The following WDR41 variants were observed in gnomAD, a reference collection of about 807,000 sequenced individuals.
WDR41 encodes WD repeat domain 41, also known as WD repeat-containing protein 41.
A neutral mutation model predicts 69.3 loss-of-function variants in WDR41; 63 were observed. The observed-to-expected ratio is 0.91, with a 90% CI of 0.74 to 1.12. The LOEUF is 1.12. Among genes scored for constraint, WDR41 ranks in the 50% most tolerant of loss-of-function variants. The pLI, the probability that WDR41 is intolerant of heterozygous loss-of-function variation, is 0.00. For synonymous variants in WDR41, 185 were observed against 192.1 expected, an observed-to-expected ratio of 0.96 and a Z score of 0.31; for missense variants, 543 against 534.5, an observed-to-expected ratio of 1.02 and a Z score of -0.16.
intron 1 of WDR41, among the ~76,000 whole-genome samples, chr5:77,549,216 C>T (rs1246377858): frequency 1.3e-5 from 2 of 152,196 alleles, no homozygotes; most frequent in Non-Finnish European, 2.9e-5. Context: ...ACCAAAATCT[C>T]ACAAATCACC....
At position 77,431,120 on chromosome 5, in the gene WDR41, C is replaced by G. The variant is rs1438365448; in HGVS notation, c.*2015G>C. The G allele has an allele frequency of 1.3e-5, 2 of 150,472 alleles. No individual in the cohort carries two copies. The highest frequency in any genetic ancestry group is 3.0e-5 in the Non-Finnish European group (2 of 66,862). 9.3% of individuals were successfully genotyped at this position (150,472 alleles called of 1,614,324 possible). ...AAAGGAGCATCAGGATTTGAGATGA[C>G]AGACTCTAAATTTTGAAAGAAGTTC... On this transcript the variant is annotated 3_prime_UTR_variant, in exon 13 of 13. Coordinates refer to ENST00000296679, the MANE Select transcript of WDR41 (RefSeq NM_018268.4).
chr5:77,605,373 G>A (rs946034357), intron 1 of WDR41, among the ~76,000 whole-genome samples: 2 of 152,112 alleles, frequency 1.3e-5, no homozygotes, highest in Non-Finnish European at 2.9e-5. Context: ...CCAAAGCAGG[G>A]GTTACATACA....
chr5:77,535,971 C>T (rs1032213103), intron 1 of WDR41, among the ~76,000 whole-genome samples: 1 of 152,042 alleles, frequency 6.6e-6, no homozygotes, highest in Non-Finnish European at 1.5e-5. Context: ...AAAATTTTTG[C>T]CCAAGGATTT....
chr5:77,559,979 G>A (rs1212832491), intron 1 of WDR41, among the ~76,000 whole-genome samples: 1 of 151,946 alleles, frequency 6.6e-6, no homozygotes, highest in African/African-American at 2.4e-5. Context: ...TGAGACACAA[G>A]GTAGGAAAGG....
intron 2 of WDR41, among the ~76,000 whole-genome samples, chr5:77,469,750 C>T (rs983363217): frequency 6.6e-6 from 1 of 151,628 alleles, no homozygotes; most frequent in African/African-American, 2.4e-5. Flanking sequence ...TAAAAAGAAA[C>T]AAAGCCTCCA....
At chr5:77,515,861 G>A (rs1802284128) in intron 1 of WDR41, among the ~76,000 whole-genome samples, 1 of 152,088 alleles carries the variant, frequency 6.6e-6, no homozygotes, top group Non-Finnish European at 1.5e-5. Context: ...CATTTTCAAT[G>A]GCCATTTGAT....
chr5:77,596,928 G>T (rs1580041481), intron 1 of WDR41, among the ~76,000 whole-genome samples: 2 of 151,956 alleles, frequency 1.3e-5, no homozygotes, highest in South Asian at 4.2e-4. Context: ...GACCAGCCTG[G>T]GCAACATGGC....
chr5:77,451,616 A>C (rs985549186), intron 6 of WDR41: 9 of 352,588 alleles, frequency 2.6e-5, no homozygotes, highest in Non-Finnish European at 4.7e-5. Context: ...CTATTGTGAT[A>C]AAGTGGTAGA....
upstream of WDR41, among the ~76,000 whole-genome samples, chr5:77,495,287 G>C (rs1294869526): frequency 6.6e-6 from 1 of 151,624 alleles, no homozygotes; most frequent in Admixed American, 6.6e-5. Context: ...TTAGAGCAGA[G>C]ATAAACAAAA....
At chr5:77,491,613 A>G (rs1389195255) in intron 1 of WDR41, among the ~76,000 whole-genome samples, 1 of 152,214 alleles carries the variant, frequency 6.6e-6, no homozygotes, top group African/African-American at 2.4e-5. Context: ...ACAGCAGTTA[A>G]TTAGAAAATC....
chr5:77,588,620 G>A (rs1744081704), intron 1 of WDR41, among the ~76,000 whole-genome samples: 2 of 151,814 alleles, frequency 1.3e-5, no homozygotes, highest in Non-Finnish European at 2.9e-5. Context: ...GACCTATATG[G>A]TCAATTCTCA....
At chr5:77,579,432 T>C (rs1743894421) in intron 1 of WDR41, among the ~76,000 whole-genome samples, 1 of 152,084 alleles carries the variant, frequency 6.6e-6, no homozygotes, top group African/African-American at 2.4e-5. Context: ...TTACAAGTGA[T>C]TAACAGCAAA....
intron 7 of WDR41, among the ~76,000 whole-genome samples, chr5:77,450,617 C>G (rs1799589722): frequency 6.6e-6 from 1 of 152,148 alleles, no homozygotes; most frequent in African/African-American, 2.4e-5. Context: ...AAGGCCCAGT[C>G]ACAAATGCTC....
chr5:77,491,457 T>C (rs1801785943), intron 1 of WDR41, among the ~76,000 whole-genome samples: 1 of 152,180 alleles, frequency 6.6e-6, no homozygotes, highest in Non-Finnish European at 1.5e-5. Flanking sequence ...ATGAAAGTTC[T>C]TGTGTGGCAT....
intron 2 of WDR41, among the ~76,000 whole-genome samples, chr5:77,487,402 G>T (rs972854587): frequency 1.3e-5 from 2 of 152,106 alleles, no homozygotes; most frequent in African/African-American, 4.8e-5. Flanking sequence ...GTGTCTCTCA[G>T]GACATAGCAA....
intron 12 of WDR41, 62 bp from the exon 13 acceptor site, chr5:77,433,349 C>T: frequency 2.0e-6 from 3 of 1,482,216 alleles, no homozygotes; most frequent in Middle Eastern, 2.0e-4. Flanking sequence ...TCTAATACCA[C>T]ATTAACACAT....
At chr5:77,608,127 A>G (rs1350606391) in intron 1 of WDR41, among the ~76,000 whole-genome samples, 18 of 152,208 alleles carry the variant, frequency 1.2e-4, no homozygotes, top group Admixed American at 9.2e-4. Context: ...CTGTCTCTAT[A>G]AATTTGACTG....
intron 8 of WDR41, among the ~76,000 whole-genome samples, chr5:77,447,050 G>C (rs1581701837): frequency 6.6e-6 from 1 of 152,140 alleles, no homozygotes; most frequent in East Asian, 1.9e-4. Flanking sequence ...CTAATATCCA[G>C]AATTTACAAG....
chr5:77,455,733 C>A (rs749347453), intron 5 of WDR41, among the ~76,000 whole-genome samples: 1 of 152,126 alleles, frequency 6.6e-6, no homozygotes, highest in African/African-American at 2.4e-5. Flanking sequence ...AGGTTCTTGG[C>A]GCTCTTGTCA....
Sources: gnomAD v4.1 joint callset for allele counts (sites outside exome capture counted in the v4.1 genomes callset) on GRCh38, gnomAD v4.1.1 for gene constraint, MANE v1.5 for transcripts, NCBI Gene and HGNC (gene_info 2026-07-23, HGNC 2026-07-21) for gene names.